The following PTK2 variants were observed in gnomAD, a reference collection of about 807,000 sequenced individuals.
PTK2 encodes the protein focal adhesion kinase 1.
In PTK2, 45 loss-of-function variants were observed where a neutral mutation model predicts 150.1. The observed-to-expected ratio is 0.30, with a 90% CI of 0.24 to 0.38. PTK2 has a LOEUF of 0.38. PTK2 is among the 10% of genes least tolerant of loss of function. The pLI is 1.00. For synonymous variants in PTK2, 432 were observed against 449.2 expected (o/e 0.96, Z 0.48); for missense variants, 919 against 1,307.3 (o/e 0.70, Z 4.58).
intron 23 of PTK2, among the ~76,000 whole-genome samples, chr8:140,712,853 A>T (rs1312567593): frequency 6.6e-6 from 1 of 152,208 alleles, no homozygotes; most frequent in Non-Finnish European, 1.5e-5. Context: ...TATACCGGTA[A>T]CAAACAGTTG....
chr8:140,886,666 A>G (rs1175929338), intron 3 of PTK2, among the ~76,000 whole-genome samples: 4 of 152,174 alleles, frequency 2.6e-5, no homozygotes, highest in African/African-American at 9.7e-5. Context: ...AGCCCATGCT[A>G]TTAGCTTTCT....
intron 16 of PTK2, among the ~76,000 whole-genome samples, chr8:140,755,486 T>C (rs1013023277): frequency 1.3e-5 from 2 of 152,230 alleles, no homozygotes; most frequent in Non-Finnish European, 2.9e-5. Flanking sequence ...GCCTTTGCAC[T>C]GGCTGTTCCT....
intron 24 of PTK2, 83 bp from the exon 28 acceptor site, chr8:140,702,790 A>T: frequency 6.9e-7 from 1 of 1,444,342 alleles, no homozygotes; most frequent in Non-Finnish European, 9.5e-7. Flanking sequence ...AACTAAAATT[A>T]CAGAGAATAT....
intron 1 of PTK2, among the ~76,000 whole-genome samples, chr8:140,938,462 GCTGT>G (rs771985270): frequency 6.6e-5 from 10 of 152,108 alleles, no homozygotes; most frequent in Admixed American, 2.0e-4. Flanking sequence ...ACTCCTTTTT[GCTGT>G]CTGTCACAAG....
chr8:140,861,986 T>C (rs1362088612), intron 5 of PTK2, among the ~76,000 whole-genome samples: 1 of 152,212 alleles, frequency 6.6e-6, no homozygotes, highest in Non-Finnish European at 1.5e-5. Flanking sequence ...TTCTATAGAC[T>C]ACCATAAAAT....
chr8:140,886,576 T>C (rs1273704869), intron 3 of PTK2, among the ~76,000 whole-genome samples: 1 of 152,218 alleles, frequency 6.6e-6, no homozygotes, highest in African/African-American at 2.4e-5. Context: ...CACTGTCTCT[T>C]GCATCCTGCT....
chr8:140,913,522 C>T lies in PTK2; in HGVS notation c.-33+12139G>A, dbSNP rs577673868. Among the ~76,000 whole-genome samples the T allele has an allele frequency of 2.0e-5, 3 of 152,252 alleles. No individual in the cohort carries two copies. The South Asian group carries it at 6.2e-4, about 32-fold the overall frequency. ...TGTTGGCCAGGCTGGTCTCGAACTCCTGGCCTTACGCAATCTGCCCAGCTC... is the reference window on the plus strand; with the variant it reads ...TGTTGGCCAGGCTGGTCTCGAACTCTTGGCCTTACGCAATCTGCCCAGCTC... On this transcript the variant is annotated intron_variant, in intron 2 of 31. Coordinates refer to ENST00000522684, the Ensembl canonical transcript of PTK2.
intron 1 of PTK2, among the ~76,000 whole-genome samples, chr8:140,977,121 G>A (rs955920669): frequency 7.9e-5 from 12 of 152,102 alleles, no homozygotes; most frequent in African/African-American, 2.9e-4. Flanking sequence ...CAGGTGTGGT[G>A]GCTCCTGCCT....
intron 16 of PTK2, among the ~76,000 whole-genome samples, chr8:140,758,398 T>TAAAAC (rs975598367): frequency 2.5e-4 from 38 of 152,166 alleles, no homozygotes; most frequent in African/African-American, 2.9e-4. Context: ...CTTCTACTTA[T>TAAAAC]AAAACAAAAC....
chr8:140,893,016 C>G (rs2100154744), intron 2 of PTK2, among the ~76,000 whole-genome samples: 1 of 152,138 alleles, frequency 6.6e-6, no homozygotes, highest in Admixed American at 6.5e-5. Context: ...CCCAAAAGAA[C>G]TGAAAATGTA....
At chr8:140,668,536 A>G in intron 29 of PTK2, 112 bp from the exon 34 acceptor site, 7 of 1,264,904 alleles carry the variant, frequency 5.5e-6, no homozygotes, top group Non-Finnish European at 7.7e-6. Context: ...GCAGAAGGTC[A>G]TTGATTTTCT....
chr8:140,700,085 G>GT (rs907003271), intron 26 of PTK2, among the ~76,000 whole-genome samples: 1 of 152,248 alleles, frequency 6.6e-6, no homozygotes, highest in Non-Finnish European at 1.5e-5. Context: ...AACACTAGTG[G>GT]TTTTAACTCT....
intron 30 of PTK2, among the ~76,000 whole-genome samples, chr8:140,666,413 G>A (rs920494633): frequency 6.6e-6 from 1 of 151,114 alleles, no homozygotes; most frequent in Non-Finnish European, 1.5e-5. Flanking sequence ...ACAAAATACA[G>A]TATGATTTAA....
chr8:140,715,735 T>C (rs4543590), intron 23 of PTK2, among the ~76,000 whole-genome samples: 63,450 of 151,768 alleles, frequency 0.42, 14,891 homozygotes, highest in Non-Finnish European at 0.54. Flanking sequence ...AGTGCAGCAA[T>C]CTGCTTATAG....
intron 13 of PTK2, 146 bp from the exon 14 acceptor site, chr8:140,789,672 A>T (rs116302171): frequency 1.5e-6 from 1 of 673,754 alleles, no homozygotes; most frequent in Admixed American, 2.9e-5. Flanking sequence ...TACTATTAAA[A>T]TAGCCAGGCT....
At chr8:140,918,379 T>C (rs1022480583) in intron 2 of PTK2, among the ~76,000 whole-genome samples, 1 of 152,198 alleles carries the variant, frequency 6.6e-6, no homozygotes, top group African/African-American at 2.4e-5. Context: ...ACTGGTATAA[T>C]CAAATAACTT....
At chr8:140,828,346 G>A (rs770296152) in intron 8 of PTK2, among the ~76,000 whole-genome samples, 9 of 152,124 alleles carry the variant, frequency 5.9e-5, no homozygotes, top group South Asian at 2.1e-4. Flanking sequence ...GTCCTCTACC[G>A]AACCTCTTTG....
intron 26 of PTK2, among the ~76,000 whole-genome samples, chr8:140,690,213 A>G (rs2100022305): frequency 6.6e-6 from 1 of 152,158 alleles, no homozygotes; most frequent in Non-Finnish European, 1.5e-5. Flanking sequence ...CGGCCTCCCA[A>G]AGTGCTGGGA....
chr8:140,828,010 TA>T (rs1213809503), intron 8 of PTK2, among the ~76,000 whole-genome samples: 1 of 151,596 alleles, frequency 6.6e-6, no homozygotes, highest in East Asian at 1.9e-4. Context: ...CTACTAAAAA[TA>T]AAAAAATTAG....
Sources: allele counts gnomAD v4.1 joint callset (sites outside exome capture counted in the v4.1 genomes callset), GRCh38; gene constraint gnomAD v4.1.1; transcripts MANE v1.5; gene names NCBI Gene and HGNC (gene_info 2026-07-23, HGNC 2026-07-21).